ZRANB1: variants seen among roughly 807,000 people sequenced by gnomAD.
ZRANB1 encodes the protein zinc finger RANBP2-type containing 1.
A neutral mutation model predicts 80.5 loss-of-function variants in ZRANB1; 16 were observed. The observed-to-expected ratio is 0.20, with a 90% CI of 0.13 to 0.30. The LOEUF (loss-of-function observed/expected upper bound fraction) is 0.30. ZRANB1 is among the 10% of genes least tolerant of loss of function. The pLI is 1.00. For missense variants in ZRANB1, 576 were observed against 862.6 expected (o/e 0.67, Z 4.16); for synonymous variants, 291 against 293.1 (o/e 0.99, Z 0.07).
At position 124,985,353 on chromosome 10, in the gene ZRANB1, T is replaced by G; in HGVS notation, c.*361T>G. On this transcript the variant is annotated 3_prime_UTR_variant, in exon 9 of 9. Coordinates refer to ENST00000359653, the MANE Select transcript of ZRANB1 (RefSeq NM_017580.3). ...ATTATTGAGAAAATTTTTTCCAGCA[T>G]GGGCACTTAGAAAAAGCACATGGCA... 5.7e-6 allele frequency: 1 copy of G among 174,452 alleles called. No homozygotes were observed. The highest frequency in any genetic ancestry group is 1.5e-4 in the East Asian group (1 of 6,606). 10.8% of individuals were successfully genotyped at this position (174,452 alleles called of 1,614,324 possible). A position where few individuals can be genotyped will look rare whatever the true frequency, so the allele number is the denominator to read the frequency against.
At chr10:124,978,429 C>T (rs1333103823) in intron 5 of ZRANB1, among the ~76,000 whole-genome samples, 2 of 152,196 alleles carry the variant, frequency 1.3e-5, no homozygotes, top group Non-Finnish European at 2.9e-5. Context: ...CCACCCGTCA[C>T]TTCAAGATAG....
rs974106684 is a variant in ZRANB1 at position 124,970,488 on chromosome 10, C to T, written c.1003-1477C>T. Among the ~76,000 whole-genome samples the T allele has an allele frequency of 1.1e-4, 17 of 152,208 alleles. No individual in the cohort carries two copies. The East Asian group carries it at 2.1e-3, about 19-fold the overall frequency. ...TGTTGCCCAGGCTGGTCTTGAATTCCTGAGCTCAAATGATCCTCCTGCCTT... is the reference window on the plus strand; with the variant it reads ...TGTTGCCCAGGCTGGTCTTGAATTCTTGAGCTCAAATGATCCTCCTGCCTT... On this transcript the variant is annotated intron_variant, in intron 2 of 8. Coordinates refer to ENST00000359653, the MANE Select transcript of ZRANB1 (RefSeq NM_017580.3).
chr10:124,960,361 A>G (rs138515436), intron 1 of ZRANB1, among the ~76,000 whole-genome samples: 234 of 152,328 alleles, frequency 1.5e-3, no homozygotes, highest in Non-Finnish European at 2.0e-3. Flanking sequence ...AATTAAATGT[A>G]TATAATATGA....
the ZRANB1 span, among the ~76,000 whole-genome samples, chr10:124,933,753 G>C: frequency 6.6e-6 from 1 of 152,190 alleles, no homozygotes; most frequent in Non-Finnish European, 1.5e-5. Context: ...GTCTCAAACT[G>C]TGTAAAGGAA....
chr10:124,974,107 C>T, intron 4 of ZRANB1, 93 bp from the exon 5 acceptor site: 5 of 1,295,560 alleles, frequency 3.9e-6, no homozygotes, highest in East Asian at 4.8e-5. Context: ...ACATATAAAC[C>T]ATTTTATAGC....
intron 6 of ZRANB1, among the ~76,000 whole-genome samples, chr10:124,982,920 A>G (rs183580675): frequency 9.2e-5 from 14 of 152,354 alleles, no homozygotes; most frequent in Admixed American, 9.1e-4. Flanking sequence ...AGTGAGGGAT[A>G]TTTCAAAGTA....
At chr10:124,933,474 A>G in the ZRANB1 span, among the ~76,000 whole-genome samples, 2 of 152,162 alleles carry the variant, frequency 1.3e-5, no homozygotes, top group African/African-American at 4.8e-5. Flanking sequence ...GCATGTTCAT[A>G]GTTCTTGCAA....
At chr10:124,979,420 C>G (rs766239231) in intron 5 of ZRANB1, among the ~76,000 whole-genome samples, 6 of 152,066 alleles carry the variant, frequency 3.9e-5, no homozygotes, top group Admixed American at 3.9e-4. Context: ...GTATCAGGTC[C>G]CTTATTGGAT....
At chr10:124,933,500 T>C in the ZRANB1 span, among the ~76,000 whole-genome samples, 1 of 152,234 alleles carries the variant, frequency 6.6e-6, no homozygotes, top group South Asian at 2.1e-4. Context: ...GTTTTATTAT[T>C]ATTTAAATGC....
At chr10:124,927,059 C>T in the ZRANB1 span, among the ~76,000 whole-genome samples, 4 of 152,190 alleles carry the variant, frequency 2.6e-5, no homozygotes, top group African/African-American at 9.7e-5. Context: ...GGGTTCACGC[C>T]ATCCTCTTGC....
chr10:124,983,525 C>T lies in ZRANB1; in HGVS notation c.1745C>T (p.Thr582Met). 6.2e-7 allele frequency: 1 copy of T among 1,614,070 alleles called. No homozygotes were observed. The highest frequency in any genetic ancestry group is 2.2e-5 in the East Asian group (1 of 44,882). The change falls in exon 8 of 9, where the codon ACG becomes ATG. Residue 582 changes from threonine to methionine, a missense_variant. This residue lies in a region of ZRANB1 where 152 missense variants were observed against 221.9 expected (regional missense o/e 0.69). Coordinates refer to ENST00000359653, the MANE Select transcript of ZRANB1 (RefSeq NM_017580.3). The surrounding 1 kb of genome is among the most constrained non-coding windows in gnomAD (Gnocchi z 6.2). ...AAAAGTCCGATTGCTCTGGGTTATACGAGGGGCCACTTCTCTGCTTTGGTT... is the reference window on the plus strand; with the variant it reads ...AAAAGTCCGATTGCTCTGGGTTATATGAGGGGCCACTTCTCTGCTTTGGTT... ...CWKSPIALGYTRGHFSALVAM... is the reference protein window; with the variant it reads ...CWKSPIALGYMRGHFSALVAM...
intron 2 of ZRANB1, among the ~76,000 whole-genome samples, chr10:124,969,255 G>A (rs948939413): frequency 1.3e-5 from 2 of 152,220 alleles, no homozygotes; most frequent in African/African-American, 4.8e-5. Flanking sequence ...TACTTTTGCT[G>A]TATTCCGTGG....
At chr10:124,919,294 C>T in the ZRANB1 span, among the ~76,000 whole-genome samples, 2 of 152,168 alleles carry the variant, frequency 1.3e-5, no homozygotes, top group Non-Finnish European at 2.9e-5. Context: ...CCTATAATCC[C>T]AGCACTTTGG....
intron 6 of ZRANB1, among the ~76,000 whole-genome samples, chr10:124,982,872 T>C (rs7071558): frequency 0.98 from 149,819 of 152,342 alleles, 73,706 homozygotes; most frequent in Non-Finnish European, 1. Context: ...GCATCCTTAG[T>C]TATCTGAATC....
chr10:124,922,326 G>GTAAAATATA, the ZRANB1 span, among the ~76,000 whole-genome samples: 12 of 25,656 alleles, frequency 4.7e-4, no homozygotes, highest in East Asian at 5.1e-3. Flanking sequence ...TAAAATATAT[G>GTAAAATATA]TATATATATA....
chr10:124,940,455 A>G, upstream of ZRANB1: 3 of 1,253,222 alleles, frequency 2.4e-6, no homozygotes, highest in Non-Finnish European at 2.1e-6. Flanking sequence ...GCCAGCATGA[A>G]GACGGAATCT....
At chr10:124,933,376 A>T in the ZRANB1 span, among the ~76,000 whole-genome samples, 1 of 152,042 alleles carries the variant, frequency 6.6e-6, no homozygotes, top group Non-Finnish European at 1.5e-5. Context: ...TGACCTCGTG[A>T]TCCACCTGCC....
intron 1 of ZRANB1, among the ~76,000 whole-genome samples, chr10:124,949,700 A>T (rs1204434323): frequency 6.6e-6 from 1 of 151,974 alleles, no homozygotes; most frequent in Admixed American, 6.6e-5. Flanking sequence ...TTTAAAAATG[A>T]TTTGTAGAGA....
intron 3 of ZRANB1, 81 bp from the exon 4 acceptor site, chr10:124,973,564 G>T (rs1951846502): frequency 8.3e-7 from 1 of 1,210,678 alleles, no homozygotes; most frequent in Non-Finnish European, 1.2e-6. Flanking sequence ...TTACTAGTAG[G>T]TAATTAATAA....
Sources: allele counts gnomAD v4.1 joint callset (sites outside exome capture counted in the v4.1 genomes callset), GRCh38; gene constraint gnomAD v4.1.1; regional missense constraint gnomAD v4.1.1; non-coding constraint Gnocchi (gnomAD v3.1); transcripts MANE v1.5; gene names NCBI Gene and HGNC (gene_info 2026-07-23, HGNC 2026-07-21).